The following CDH19 variants were observed in gnomAD, a reference collection of about 807,000 sequenced individuals.
CDH19 encodes the protein cadherin 19, also known as cadherin-19.
In CDH19, 67 loss-of-function variants were observed where a neutral mutation model predicts 64.2. The ratio of observed to expected loss-of-function variants is 1.04; its 90% CI spans 0.86 to 1.28. CDH19 has a LOEUF of 1.28. Among genes scored for constraint, CDH19 ranks in the 50% most tolerant of loss-of-function variants. The probability of loss-of-function intolerance (pLI) is 0.00; values close to 1 mark genes in which losing one functional copy is unlikely to be tolerated. For synonymous variants in CDH19, 346 were observed against 319.3 expected (o/e 1.08, Z -0.89); for missense variants, 1,030 against 929.0 (o/e 1.11, Z -1.41).
At chr18:66,541,419 A>G (rs1222057232) in intron 7 of CDH19, among the ~76,000 whole-genome samples, 1 of 152,172 alleles carries the variant, frequency 6.6e-6, no homozygotes, top group Admixed American at 6.5e-5. Flanking sequence ...TTAAAACTCA[A>G]ATTGAAATCA....
intron 1 of CDH19, among the ~76,000 whole-genome samples, chr18:66,587,847 G>A (rs944197545): frequency 4.6e-5 from 7 of 152,028 alleles, no homozygotes; most frequent in Non-Finnish European, 7.4e-5. Flanking sequence ...CTAGCTCCCC[G>A]ACTAACAAAA....
At chr18:66,561,856 T>A (rs2077068794) in intron 3 of CDH19, among the ~76,000 whole-genome samples, 1 of 152,074 alleles carries the variant, frequency 6.6e-6, no homozygotes, top group Non-Finnish European at 1.5e-5. Context: ...TCCATTATTG[T>A]GTGGACAGTT....
chr18:66,519,697 C>G (rs771722637), intron 9 of CDH19, among the ~76,000 whole-genome samples: 12 of 151,988 alleles, frequency 7.9e-5, no homozygotes, highest in Admixed American at 1.3e-4. Flanking sequence ...AACCACTTTG[C>G]CTTTCAAAAA....
At chr18:66,528,531 T>C (rs1986311994) in intron 9 of CDH19, among the ~76,000 whole-genome samples, 3 of 152,162 alleles carry the variant, frequency 2.0e-5, no homozygotes, top group Non-Finnish European at 2.9e-5. Context: ...TTTGTATATT[T>C]ATAACAATTC....
In CDH19 at chr18:66,504,472, T is replaced by C. The variant is rs1985084362; in HGVS notation, c.*340A>G. 1 of 187,680 alleles carries C rather than the reference T, an allele frequency of 5.3e-6. No individual in the cohort carries two copies. The highest frequency in any genetic ancestry group is 5.9e-5 in the Admixed American group (1 of 16,854). The allele number at this position is 187,680 out of a possible 1,614,324, so 11.6% of individuals were successfully genotyped here. ...TGCTCCTTTAAATTTTCTCGTTTGG[T>C]ATTTTTACTCTTTCCTAAGTAAATA... is the stretch of plus-strand genomic sequence containing the variant. On this transcript the variant is annotated 3_prime_UTR_variant, in exon 12 of 12. Transcript: ENST00000262150.
intron 1 of CDH19, among the ~76,000 whole-genome samples, chr18:66,592,127 T>C (rs1202141119): frequency 6.6e-6 from 1 of 151,932 alleles, no homozygotes; most frequent in African/African-American, 2.4e-5. Context: ...GCATGAAGCC[T>C]GACTAGAGAT....
rs1985031133 is a variant in CDH19, at chr18:66,503,404, T to C, written c.*1408A>G. On this transcript the variant is annotated 3_prime_UTR_variant, in exon 12 of 12. Transcript: ENST00000262150. ...TCCAAGCTCTTAACAGAAAAGCAAA[T>C]ACTGAGAATTGTATCATGTTTTATC... 2 of 151,808 alleles carry C rather than the reference T, an allele frequency of 1.3e-5. No homozygotes were observed. Among genetic ancestry groups the C allele is most frequent in the Admixed American group, 1.3e-4 (2 of 15,198 alleles). 9.4% of individuals were successfully genotyped at this position (151,808 alleles called of 1,614,324 possible). A position where few individuals can be genotyped will look rare whatever the true frequency, so the allele number is the denominator to read the frequency against.
intron 8 of CDH19, chr18:66,532,526 A>G (rs1222791422): frequency 9.1e-6 from 2 of 220,572 alleles, no homozygotes; most frequent in Non-Finnish European, 1.9e-5. Context: ...ACACAGAGAA[A>G]GAGAGAGAGA....
chr18:66,593,173 T>C (rs1988791142), intron 1 of CDH19, among the ~76,000 whole-genome samples: 1 of 151,930 alleles, frequency 6.6e-6, no homozygotes, highest in Admixed American at 6.6e-5. Flanking sequence ...AATTTTTCCA[T>C]ATACTTATTG....
intron 5 of CDH19, among the ~76,000 whole-genome samples, chr18:66,549,288 T>C (rs1987253744): frequency 6.6e-6 from 1 of 152,180 alleles, no homozygotes; most frequent in African/African-American, 2.4e-5. Flanking sequence ...GGATATTTTA[T>C]CGCAGCAAGT....
At position 66,565,423 on chromosome 18, in the gene CDH19, C is replaced by T. The variant is rs115643842; in HGVS notation, c.490+2993G>A. On this transcript the variant is annotated intron_variant, in intron 3 of 11. Transcript: ENST00000262150. ...GTGCAGATTCAAATATAATAATAGG[C>T]AGTTCACTTCAATACAACAGAAATA... Among the ~76,000 whole-genome samples, 851 of 151,918 alleles carry T rather than the reference C, an allele frequency of 5.6e-3. 12 individuals carry two copies. Among genetic ancestry groups the T allele is most frequent in the African/African-American group, 0.019 (794 of 41,466 alleles).
chr18:66,521,704 TAAAA>T (rs111530865), intron 9 of CDH19, among the ~76,000 whole-genome samples: 4 of 143,532 alleles, frequency 2.8e-5, no homozygotes, highest in Admixed American at 1.4e-4. Context: ...CCCAGCTAAT[TAAAA>T]AAAAAAAATG....
At chr18:66,556,450 C>T (rs1987523180) in intron 3 of CDH19, among the ~76,000 whole-genome samples, 1 of 151,748 alleles carries the variant, frequency 6.6e-6, no homozygotes, top group African/African-American at 2.4e-5. Context: ...ATCCCCGACA[C>T]ATTATTTTAT....
In CDH19 at chr18:66,601,946, T is replaced by C. The variant is rs189038421; in HGVS notation, c.-113+2008A>G. On this transcript the variant is annotated intron_variant, in intron 1 of 11. Coordinates refer to ENST00000262150, the MANE Select transcript of CDH19 (RefSeq NM_021153.4). ...TGTCAATCAGGGGCTGTCTTCACCA[T>C]TGATAGAAAGGATTCCTGTGGGATT... Among the ~76,000 whole-genome samples the C allele has an allele frequency of 1.2e-3, 176 of 152,050 alleles. 1 individual carries two copies. Among genetic ancestry groups the C allele is most frequent in the African/African-American group, 4.0e-3 (168 of 41,540 alleles).
chr18:66,536,028 AG>A (rs112368762), intron 7 of CDH19, among the ~76,000 whole-genome samples: 2,496 of 148,834 alleles, frequency 0.017, 65 homozygotes, highest in African/African-American at 0.056. Context: ...ATTTCTCCCA[AG>A]GGAAAAAAAA....
chr18:66,502,104 G>C lies in CDH19; in HGVS notation c.*2708C>G, dbSNP rs1292125982. 6.6e-6 allele frequency: 1 copy of C among 151,952 alleles called. No homozygotes were observed. The highest frequency in any genetic ancestry group is 1.9e-4 in the East Asian group (1 of 5,172). 9.4% of individuals were successfully genotyped at this position (151,952 alleles called of 1,614,324 possible). A position where few individuals can be genotyped will look rare whatever the true frequency, so the allele number is the denominator to read the frequency against. On this transcript the variant is annotated 3_prime_UTR_variant, in exon 12 of 12. Transcript: ENST00000262150. Reference sequence around the variant, plus strand: ...AAATTCTTAATGTAATGCCTTTTTAGTTTAAGAGCTGTGTTCTTGCAACAC... The same window carrying C: ...AAATTCTTAATGTAATGCCTTTTTACTTTAAGAGCTGTGTTCTTGCAACAC...
chr18:66,513,847 T>C (rs182123533), intron 9 of CDH19, among the ~76,000 whole-genome samples: 2 of 151,504 alleles, frequency 1.3e-5, no homozygotes, highest in African/African-American at 4.8e-5. Flanking sequence ...TTCTGAAAGC[T>C]CAGATTTTTA....
At chr18:66,553,061 A>G (rs1232829365) in intron 4 of CDH19, among the ~76,000 whole-genome samples, 1 of 134,194 alleles carries the variant, frequency 7.5e-6, no homozygotes, top group East Asian at 1.9e-4. Flanking sequence ...CACACAACAT[A>G]AAGTCAACCT....
chr18:66,561,513 T>C (rs929861502), intron 3 of CDH19, among the ~76,000 whole-genome samples: 13 of 152,090 alleles, frequency 8.5e-5, no homozygotes, highest in African/African-American at 3.1e-4. Flanking sequence ...TACCAAATGA[T>C]GGGAACTCTG....
Sources: gnomAD v4.1 joint callset for allele counts (sites outside exome capture counted in the v4.1 genomes callset) on GRCh38, gnomAD v4.1.1 for gene constraint, MANE v1.5 for transcripts, NCBI Gene and HGNC (gene_info 2026-07-23, HGNC 2026-07-21) for gene names.